ANKRD13C: variants seen among roughly 807,000 people sequenced by gnomAD.
The protein encoded by ANKRD13C is ankyrin repeat domain-containing protein 13C.
Under a neutral mutation model 65.5 loss-of-function variants are expected in ANKRD13C, and 16 were observed. That is an observed-to-expected ratio of 0.24 (90% confidence interval 0.17 to 0.37). The LOEUF is 0.37. Among genes scored for constraint, ANKRD13C ranks in the 10% least tolerant of loss-of-function variants. The pLI is 1.00. For synonymous variants in ANKRD13C, 235 were observed against 238.7 expected (o/e 0.98, Z 0.14); for missense variants, 503 against 655.9 (o/e 0.77, Z 2.55).
intron 3 of ANKRD13C, among the ~76,000 whole-genome samples, chr1:70,318,059 G>C (rs749948461): frequency 6.6e-6 from 1 of 152,084 alleles, no homozygotes; most frequent in African/African-American, 2.4e-5. Flanking sequence ...TAACATATGC[G>C]AAGAGATTCC....
At chr1:70,316,918 A>C (rs1469624188) in intron 3 of ANKRD13C, among the ~76,000 whole-genome samples, 1 of 152,174 alleles carries the variant, frequency 6.6e-6, no homozygotes, top group Non-Finnish European at 1.5e-5. Flanking sequence ...ACATATACAT[A>C]TGCGTTCTGA....
At position 70,354,058 on chromosome 1, in the gene ANKRD13C, G is replaced by T. The variant is rs1682877500; in HGVS notation, c.351C>A (p.His117Gln). The change falls in exon 1 of 13, where the codon CAC (histidine) becomes CAA (glutamine). Residue 117 changes from histidine (H) to glutamine (Q), a missense_variant. Around this residue, in one of 2 missense-constraint regions of ANKRD13C, gnomAD observed 203 missense variants for 177.6 expected, o/e 1.14. Coordinates refer to ENST00000370944, the MANE Select transcript of ANKRD13C (RefSeq NM_030816.5). ...GGSCPAHYPV[H>Q]ECVFKGDVRR... is the part of the protein sequence containing the mutation. ...TCACATCCCCCTTGAAGACGCACTCGTGCACCGGGTAGTGTGCGGGGCAAC... is the reference window on the plus strand; with the variant it reads ...TCACATCCCCCTTGAAGACGCACTCTTGCACCGGGTAGTGTGCGGGGCAAC... 1.9e-6 allele frequency: 3 copies of T among 1,603,414 alleles called. No homozygotes were observed. The highest frequency in any genetic ancestry group is 2.6e-6 in the Non-Finnish European group (3 of 1,173,782).
chr1:70,351,783 C>G (rs909405764), intron 1 of ANKRD13C, among the ~76,000 whole-genome samples: 1 of 152,012 alleles, frequency 6.6e-6, no homozygotes, highest in African/African-American at 2.4e-5. Flanking sequence ...CTAAAAGCAT[C>G]CAGGTTAGTA....
chr1:70,321,192 T>C (rs1031175267), intron 3 of ANKRD13C, among the ~76,000 whole-genome samples: 2 of 152,204 alleles, frequency 1.3e-5, no homozygotes, highest in African/African-American at 4.8e-5. Flanking sequence ...AACATATGCA[T>C]GACTTGAAGT....
At position 70,354,605 on chromosome 1, in the gene ANKRD13C, G is replaced by A; in HGVS notation, c.-197C>T. 1.5e-6 allele frequency: 2 copies of A among 1,295,202 alleles called. No individual in the cohort carries two copies. The highest frequency in any genetic ancestry group is 2.1e-6 in the Non-Finnish European group (2 of 973,606). The allele number at this position is 1,295,202 out of a possible 1,614,324, so 80.2% of individuals were successfully genotyped here. On this transcript the variant is annotated 5_prime_UTR_variant, in exon 1 of 13. Transcript: ENST00000370944. ...CTCGCCTAGGCACGAAGGGACGCGC[G>A]CTCGCTGGGGGAAGCTAGAACTCAG...
intron 9 of ANKRD13C, among the ~76,000 whole-genome samples, chr1:70,289,675 A>C (rs1205672658): frequency 6.8e-6 from 1 of 147,544 alleles, no homozygotes. Context: ...ACGGGGTTTC[A>C]CCATGTTAGC....
chr1:70,282,958 C>T (rs1679462438), intron 9 of ANKRD13C, among the ~76,000 whole-genome samples: 1 of 140,992 alleles, frequency 7.1e-6, no homozygotes, highest in Admixed American at 7.2e-5. Context: ...CAGGTAATAA[C>T]TTTTCCAAGT....
intron 9 of ANKRD13C, among the ~76,000 whole-genome samples, chr1:70,283,746 T>A (rs1483112228): frequency 6.6e-6 from 1 of 151,808 alleles, no homozygotes; most frequent in Non-Finnish European, 1.5e-5. Flanking sequence ...AGACGGAGGT[T>A]GCAGTGAGCT....
intron 12 of ANKRD13C, among the ~76,000 whole-genome samples, chr1:70,264,038 G>T (rs1229185713): frequency 1.3e-5 from 2 of 152,018 alleles, no homozygotes; most frequent in African/African-American, 2.4e-5. Flanking sequence ...TTATTCCTTT[G>T]TACCTACTAT....
intron 5 of ANKRD13C, among the ~76,000 whole-genome samples, chr1:70,307,327 A>T (rs1016004541): frequency 1.3e-5 from 2 of 152,164 alleles, no homozygotes; most frequent in African/African-American, 4.8e-5. Context: ...GCTTGAGCCC[A>T]GGAGTTCAAG....
intron 3 of ANKRD13C, among the ~76,000 whole-genome samples, chr1:70,317,720 C>CT (rs1363334285): frequency 6.6e-6 from 1 of 152,082 alleles, no homozygotes; most frequent in Non-Finnish European, 1.5e-5. Context: ...TAGTACAATT[C>CT]TTTTTAATGG....
At chr1:70,315,377 G>A in intron 4 of ANKRD13C, 104 bp downstream of exon 4, 1 of 802,816 alleles carries the variant, frequency 1.2e-6, no homozygotes, top group Non-Finnish European at 2.0e-6. Flanking sequence ...ACCATTTTTT[G>A]GCCCCTAATA....
At chr1:70,274,943 A>T in intron 10 of ANKRD13C, 125 bp from the exon 11 acceptor site, 1 of 620,344 alleles carries the variant, frequency 1.6e-6, no homozygotes, top group Non-Finnish European at 2.8e-6. Context: ...GTCTACAGAA[A>T]TAAAGTTATG....
At chr1:70,279,221 AAGAG>A (rs150241152) in intron 9 of ANKRD13C, among the ~76,000 whole-genome samples, 1,745 of 151,660 alleles carry the variant, frequency 0.012, 32 homozygotes, top group African/African-American at 0.04. Context: ...GAAATTAAAA[AAGAG>A]AGAGAGAGAG....
At chr1:70,342,893 T>C (rs1310475828) in intron 1 of ANKRD13C, among the ~76,000 whole-genome samples, 1 of 152,166 alleles carries the variant, frequency 6.6e-6, no homozygotes, top group Non-Finnish European at 1.5e-5. Context: ...GTTATATCTA[T>C]TCAACAAATT....
Position 70,354,181 on chromosome 1 carries a change from C to A in ANKRD13C, c.228G>T (p.Pro76=). 1.2e-6 allele frequency: 2 copies of A among 1,613,950 alleles called. No homozygotes were observed. Among genetic ancestry groups the A allele is most frequent in the Non-Finnish European group, 1.7e-6 (2 of 1,180,016 alleles). ...APASSNPPGA[P]ALPLHNSSVT... is the part of the protein sequence containing the mutation. ...CGGAGGAATTGTGCAGCGGCAGAGC[C>A]GGGGCGCCGGGGGGATTGGAGGAGG... The change falls in exon 1 of 13, where the codon CCG becomes CCT. Residue 76 remains proline (P), a synonymous_variant. Coordinates refer to ENST00000370944, the MANE Select transcript of ANKRD13C (RefSeq NM_030816.5).
Position 70,292,567 on chromosome 1 carries a change from AT to A in ANKRD13C, c.1054-19del, listed in dbSNP as rs1449973376. ...ACTCTTTCCTAAAACAAAACCAAAT[AT>A]TTAAAAGTAAAATTTTTAGGTTAAA... On this transcript the variant is annotated intron_variant, in intron 8 of 12. Coordinates refer to ENST00000370944, the MANE Select transcript of ANKRD13C (RefSeq NM_030816.5). The A allele has an allele frequency of 1.3e-6, 2 of 1,565,462 alleles. No individual in the cohort carries two copies. The highest frequency in any genetic ancestry group is 1.7e-6 in the Non-Finnish European group (2 of 1,162,178).
At chr1:70,280,782 T>C (rs1198299293) in intron 9 of ANKRD13C, among the ~76,000 whole-genome samples, 1 of 152,228 alleles carries the variant, frequency 6.6e-6, no homozygotes, top group East Asian at 1.9e-4. Flanking sequence ...ACATTTTAGT[T>C]ACTGAGCATA....
At chr1:70,309,090 T>C (rs1680723209) in intron 5 of ANKRD13C, among the ~76,000 whole-genome samples, 1 of 151,214 alleles carries the variant, frequency 6.6e-6, no homozygotes, top group Non-Finnish European at 1.5e-5. Flanking sequence ...TCACCCAGGC[T>C]GGAATGCAGT....
Sources: gnomAD v4.1 joint callset for allele counts (sites outside exome capture counted in the v4.1 genomes callset) on GRCh38, gnomAD v4.1.1 for gene constraint, gnomAD v4.1.1 regional missense constraint, MANE v1.5 for transcripts, NCBI Gene and HGNC (gene_info 2026-07-23, HGNC 2026-07-21) for gene names.